Variants in DPP6 observed in about 807,000 individuals in gnomAD.
The protein encoded by DPP6 is A-type potassium channel modulatory protein DPP6.
A neutral mutation model predicts 122.6 loss-of-function variants in DPP6; 69 were observed. The observed-to-expected ratio is 0.56, with a 90% CI of 0.46 to 0.69. The LOEUF is 0.69. Ranked by LOEUF, DPP6 falls within the 30% of genes least tolerant of loss-of-function variation. The pLI, the probability that DPP6 is intolerant of heterozygous loss-of-function variation, is 0.00. For missense variants in DPP6, 928 were observed against 1,116.9 expected (o/e 0.83, Z 2.41); for synonymous variants, 418 against 433.1 (o/e 0.97, Z 0.43).
At chr7:153,986,933 C>T (rs934549379) in intron 1 of DPP6, among the ~76,000 whole-genome samples, 7 of 150,882 alleles carry the variant, frequency 4.6e-5, no homozygotes, top group Non-Finnish European at 7.4e-5. Context: ...TTGAATGAAG[C>T]TGTGAGATAA....
intron 10 of DPP6, among the ~76,000 whole-genome samples, chr7:154,791,783 T>C (rs1587151725): frequency 6.6e-6 from 1 of 152,256 alleles, no homozygotes; most frequent in Non-Finnish European, 1.5e-5. Flanking sequence ...CCGCGGGCCA[T>C]GTCACTGCTG....
intron 1 of DPP6, among the ~76,000 whole-genome samples, chr7:154,131,301 A>G (rs569336704): frequency 4.6e-5 from 7 of 152,250 alleles, no homozygotes; most frequent in Non-Finnish European, 7.3e-5. Flanking sequence ...TTACCTTGCC[A>G]TGATATCTTC....
At chr7:154,257,404 T>G (rs1802726148) in intron 1 of DPP6, among the ~76,000 whole-genome samples, 1 of 152,012 alleles carries the variant, frequency 6.6e-6, no homozygotes, top group African/African-American at 2.4e-5. Context: ...TTTAGGATAT[T>G]CAAAAGCGGT....
Position 154,873,255 on chromosome 7 carries a change from C to T in DPP6, c.1883+562C>T, listed in dbSNP as rs139414578. On this transcript the variant is annotated intron_variant, in intron 19 of 25. Coordinates refer to ENST00000377770, the MANE Select transcript of DPP6 (RefSeq NM_130797.4). The stretch of plus-strand genomic sequence containing the variant: ...GATTAGGGAACTCAGTGCTAGGAGC[C>T]GGCCCAGTGCCCTGTGCATAGGTTC... Among the ~76,000 whole-genome samples, 1,399 of 152,306 alleles carry T rather than the reference C, an allele frequency of 9.2e-3. 29 individuals carry two copies. The highest frequency in any genetic ancestry group is 0.032 in the African/African-American group (1,326 of 41,532).
chr7:154,426,682 G>A (rs1817941488), intron 1 of DPP6, among the ~76,000 whole-genome samples: 1 of 151,956 alleles, frequency 6.6e-6, no homozygotes, highest in Non-Finnish European at 1.5e-5. Flanking sequence ...GACTATTTTA[G>A]AATTAAGGAC....
At chr7:153,964,374 C>T (rs920845979) in intron 1 of DPP6, among the ~76,000 whole-genome samples, 2 of 152,122 alleles carry the variant, frequency 1.3e-5, no homozygotes, top group African/African-American at 4.8e-5. Context: ...AAACGTGTGT[C>T]TCATTCATCT....
intron 1 of DPP6, among the ~76,000 whole-genome samples, chr7:153,911,030 C>T (rs777525294): frequency 1.3e-5 from 2 of 152,174 alleles, no homozygotes; most frequent in African/African-American, 2.4e-5. Context: ...GTTTTAGACA[C>T]GGGTCAGATT....
chr7:153,879,087 G>A, the DPP6 span, among the ~76,000 whole-genome samples: 3 of 152,180 alleles, frequency 2.0e-5, no homozygotes, highest in Non-Finnish European at 4.4e-5. Context: ...AGCAGTGAAC[G>A]CCAGAGAAGG....
chr7:154,633,002 G>GTTTTTCCAT (rs1835499156), intron 5 of DPP6, among the ~76,000 whole-genome samples: 1 of 152,064 alleles, frequency 6.6e-6, no homozygotes, highest in Admixed American at 6.5e-5. Context: ...TGCTGAAACT[G>GTTTTTCCAT]TTTTTCCATC....
intron 8 of DPP6, among the ~76,000 whole-genome samples, chr7:154,739,038 T>C (rs887667124): frequency 3.9e-5 from 6 of 152,206 alleles, no homozygotes; most frequent in Non-Finnish European, 8.8e-5. Context: ...CTGCTGGGGC[T>C]GTCCTCTTAG....
intron 7 of DPP6, among the ~76,000 whole-genome samples, chr7:154,673,772 A>G (rs1045836734): frequency 2.6e-5 from 4 of 152,190 alleles, no homozygotes; most frequent in Non-Finnish European, 5.9e-5. Flanking sequence ...GGGAAACATA[A>G]ACGTTCAAAA....
At chr7:154,515,014 G>A (rs1030578138) in intron 3 of DPP6, among the ~76,000 whole-genome samples, 4 of 152,206 alleles carry the variant, frequency 2.6e-5, no homozygotes, top group African/African-American at 9.6e-5. Flanking sequence ...AATAGTGGAT[G>A]AGCCAAGAAG....
intron 3 of DPP6, among the ~76,000 whole-genome samples, chr7:154,535,062 A>G (rs1828126321): frequency 6.6e-6 from 1 of 151,010 alleles, no homozygotes; most frequent in Non-Finnish European, 1.5e-5. Context: ...AGAAATCTAC[A>G]CATACATTTT....
intron 7 of DPP6, among the ~76,000 whole-genome samples, chr7:154,696,225 C>T (rs903059789): frequency 6.6e-5 from 10 of 152,180 alleles, no homozygotes; most frequent in African/African-American, 1.4e-4. Flanking sequence ...TGAACTGACA[C>T]GGGGCACAGC....
At chr7:154,487,732 T>C (rs1347167410) in intron 3 of DPP6, among the ~76,000 whole-genome samples, 1 of 152,218 alleles carries the variant, frequency 6.6e-6, no homozygotes, top group African/African-American at 2.4e-5. Context: ...CCACCATTTA[T>C]TGTCTCAGTT....
intron 1 of DPP6, among the ~76,000 whole-genome samples, chr7:154,271,711 C>A (rs965670048): frequency 6.6e-6 from 1 of 152,040 alleles, no homozygotes; most frequent in Non-Finnish European, 1.5e-5. Flanking sequence ...ACAGAGAAAG[C>A]CTGGGGGTCA....
the DPP6 span, among the ~76,000 whole-genome samples, chr7:153,759,423 A>T: frequency 2.0e-5 from 3 of 151,882 alleles, no homozygotes; most frequent in African/African-American, 7.3e-5. Context: ...GGCTCAAGCG[A>T]TCCTGAAACT....
intron 1 of DPP6, among the ~76,000 whole-genome samples, chr7:153,947,470 C>T (rs922192850): frequency 6.6e-6 from 1 of 152,004 alleles, no homozygotes; most frequent in Non-Finnish European, 1.5e-5. Flanking sequence ...TCTAGCCAGG[C>T]CCTATAAACT....
intron 5 of DPP6, among the ~76,000 whole-genome samples, chr7:154,600,967 T>C (rs1833389880): frequency 8.3e-6 from 1 of 120,294 alleles, no homozygotes; most frequent in African/African-American, 2.6e-5. Context: ...GGTACATGCC[T>C]GTAATCCCAG....
Sources: gnomAD v4.1 joint callset for allele counts (sites outside exome capture counted in the v4.1 genomes callset) on GRCh38, gnomAD v4.1.1 for gene constraint, MANE v1.5 for transcripts, NCBI Gene and HGNC (gene_info 2026-07-23, HGNC 2026-07-21) for gene names.